Variants in NRG3 observed in about 807,000 individuals in gnomAD.
The protein encoded by NRG3 is pro-neuregulin-3, membrane-bound isoform.
A neutral mutation model predicts 66.9 loss-of-function variants in NRG3; 31 were observed. The observed-to-expected ratio is 0.46, with a 90% CI of 0.35 to 0.63. NRG3 has a LOEUF of 0.63. Ranked by LOEUF, NRG3 falls within the 20% of genes least tolerant of loss-of-function variation. The pLI, the probability that NRG3 is intolerant of heterozygous loss-of-function variation, is 0.00. For synonymous variants in NRG3, 393 were observed against 359.4 expected (o/e 1.09, Z -1.06); for missense variants, 910 against 878.9 (o/e 1.04, Z -0.45).
At chr10:82,106,083 G>A (rs1177980313) in intron 1 of NRG3, among the ~76,000 whole-genome samples, 1 of 152,162 alleles carries the variant, frequency 6.6e-6, no homozygotes. Context: ...TGTATTGACA[G>A]TTTTAGACCT....
At chr10:82,148,628 A>G (rs577979676) in intron 1 of NRG3, among the ~76,000 whole-genome samples, 4 of 152,172 alleles carry the variant, frequency 2.6e-5, no homozygotes, top group South Asian at 4.2e-4. Context: ...CTGGCTGTGG[A>G]ATCTCTGATT....
At chr10:82,559,216 A>T (rs2044862523) in intron 2 of NRG3, among the ~76,000 whole-genome samples, 1 of 152,012 alleles carries the variant, frequency 6.6e-6, no homozygotes, top group African/African-American at 2.4e-5. Context: ...CATAGACTTC[A>T]GTTGAGTTCA....
At chr10:82,672,553 G>A (rs1034207556) in intron 2 of NRG3, among the ~76,000 whole-genome samples, 2 of 152,208 alleles carry the variant, frequency 1.3e-5, no homozygotes, top group Non-Finnish European at 2.9e-5. Flanking sequence ...CAGCTTGGGT[G>A]ATCATGGTGG....
intron 2 of NRG3, among the ~76,000 whole-genome samples, chr10:82,400,988 G>C (rs1483113619): frequency 6.6e-6 from 1 of 152,158 alleles, no homozygotes; most frequent in African/African-American, 2.4e-5. Context: ...ATTCAGCTTA[G>C]TGGGGAGAAT....
At chr10:82,465,588 G>A (rs1840594510) in intron 2 of NRG3, among the ~76,000 whole-genome samples, 1 of 152,174 alleles carries the variant, frequency 6.6e-6, no homozygotes, top group Non-Finnish European at 1.5e-5. Context: ...TTTATGAGTA[G>A]TTCTTCTATC....
At chr10:82,942,974 A>T (rs1480020650) in intron 4 of NRG3, among the ~76,000 whole-genome samples, 1 of 148,928 alleles carries the variant, frequency 6.7e-6, no homozygotes, top group African/African-American at 2.5e-5. Context: ...AAAATGAGTT[A>T]AAAAAAAAAG....
At chr10:82,721,020 T>C (rs906912475) in intron 2 of NRG3, among the ~76,000 whole-genome samples, 1 of 150,888 alleles carries the variant, frequency 6.6e-6, no homozygotes, top group Non-Finnish European at 1.5e-5. Flanking sequence ...GGATATCTAT[T>C]TAATTTTTGC....
At chr10:82,329,584 C>T (rs1247920803) in intron 1 of NRG3, among the ~76,000 whole-genome samples, 2 of 151,792 alleles carry the variant, frequency 1.3e-5, no homozygotes, top group Non-Finnish European at 2.9e-5. Flanking sequence ...AGTAAAAAAG[C>T]AAGGCTGTTT....
intron 1 of NRG3, among the ~76,000 whole-genome samples, chr10:82,107,479 T>TG (rs2067136818): frequency 6.6e-6 from 1 of 152,160 alleles, no homozygotes. Flanking sequence ...TGCCAATTTC[T>TG]GGGTACTCTC....
At chr10:82,408,564 G>C (rs1207455119) in intron 2 of NRG3, among the ~76,000 whole-genome samples, 2 of 150,962 alleles carry the variant, frequency 1.3e-5, no homozygotes, top group African/African-American at 4.9e-5. Flanking sequence ...TCCAATTCTT[G>C]ATGAACGTTT....
intron 2 of NRG3, among the ~76,000 whole-genome samples, chr10:82,389,155 A>G (rs1055184996): frequency 6.6e-6 from 1 of 152,210 alleles, no homozygotes; most frequent in Non-Finnish European, 1.5e-5. Context: ...AAAGACAGGA[A>G]AATTAAGTAT....
intron 3 of NRG3, among the ~76,000 whole-genome samples, chr10:82,832,922 C>T (rs572704514): frequency 6.6e-6 from 1 of 151,938 alleles, no homozygotes; most frequent in Non-Finnish European, 1.5e-5. Context: ...ACTTTACAAT[C>T]TTCTCACAAA....
rs186307744 is a variant in NRG3 at position 82,838,285 on chromosome 10, T to A, written c.1028-27126T>A. 8.5e-5 allele frequency among the ~76,000 whole-genome samples: 13 copies of A among 152,170 alleles called. No homozygotes were observed. In the East Asian group the frequency reaches 2.3e-3, roughly 27 times the overall value. On this transcript the variant is annotated intron_variant, in intron 3 of 8. Coordinates refer to ENST00000372141, the MANE Select transcript of NRG3 (RefSeq NM_001010848.4). ...AGTAGAGGTTCAGTAATGGGCAGAG[T>A]CTAGAAAATATTATCAATATATACA... is the stretch of plus-strand genomic sequence containing the variant.
intron 3 of NRG3, among the ~76,000 whole-genome samples, chr10:82,797,091 A>T (rs1230090732): frequency 1.3e-5 from 2 of 152,166 alleles, no homozygotes; most frequent in Admixed American, 6.5e-5. Flanking sequence ...AATGAAAATG[A>T]ACCTTTTTAC....
chr10:82,293,388 G>A (rs2079857026), intron 1 of NRG3, among the ~76,000 whole-genome samples: 1 of 152,092 alleles, frequency 6.6e-6, no homozygotes, highest in Non-Finnish European at 1.5e-5. Flanking sequence ...AGCAAGCCTA[G>A]AGAGGAGAGA....
intron 1 of NRG3, among the ~76,000 whole-genome samples, chr10:82,316,012 A>G (rs1398432586): frequency 6.6e-6 from 1 of 152,082 alleles, no homozygotes; most frequent in African/African-American, 2.4e-5. Context: ...TTTTTGGCCT[A>G]GCATAATTAT....
At chr10:82,630,399 A>G (rs1247567066) in intron 2 of NRG3, among the ~76,000 whole-genome samples, 1 of 151,038 alleles carries the variant, frequency 6.6e-6, no homozygotes, top group Admixed American at 6.6e-5. Context: ...TAACTAATTA[A>G]GAAATCCTGG....
At chr10:82,368,699 T>C (rs1338066716) in intron 2 of NRG3, among the ~76,000 whole-genome samples, 1 of 138,356 alleles carries the variant, frequency 7.2e-6, no homozygotes, top group African/African-American at 3.4e-5. Flanking sequence ...AATTATGCAA[T>C]ATTTTGTATC....
chr10:82,324,682 T>C (rs768480191), intron 1 of NRG3, among the ~76,000 whole-genome samples: 3 of 152,204 alleles, frequency 2.0e-5, no homozygotes, highest in Admixed American at 6.5e-5. Context: ...ATTGGTTAAT[T>C]AGAAGTATGT....
Sources: gnomAD v4.1 joint callset for allele counts (sites outside exome capture counted in the v4.1 genomes callset) on GRCh38, gnomAD v4.1.1 for gene constraint, MANE v1.5 for transcripts, NCBI Gene and HGNC (gene_info 2026-07-23, HGNC 2026-07-21) for gene names.